The following MARCHF2 variants were observed in gnomAD, a reference collection of about 807,000 sequenced individuals.
MARCHF2 encodes E3 ubiquitin-protein ligase MARCHF2.
MARCHF2 carries 22 observed loss-of-function variants against 24.0 expected under a neutral mutation model. That is an observed-to-expected ratio of 0.92 (90% CI 0.66 to 1.31). The LOEUF is 1.31. Among genes scored for constraint, MARCHF2 ranks in the 50% most tolerant of loss-of-function variants. The pLI is 0.00. For synonymous variants in MARCHF2, 154 were observed against 153.0 expected (o/e 1.01, Z -0.05); for missense variants, 301 against 335.3 (o/e 0.90, Z 0.80).
chr19:8,428,958 T>C (rs1967498503), intron 3 of MARCHF2, among the ~76,000 whole-genome samples: 1 of 144,126 alleles, frequency 6.9e-6, no homozygotes, highest in African/African-American at 2.8e-5. Context: ...ACAAAAACCC[T>C]AGAAAAGCCC....
intron 2 of MARCHF2, among the ~76,000 whole-genome samples, chr19:8,424,419 G>A (rs972916188): frequency 6.6e-6 from 1 of 152,162 alleles, no homozygotes; most frequent in Admixed American, 6.6e-5. Flanking sequence ...TGTAATCCCA[G>A]CACTTTGGGA....
chr19:8,426,625 C>T lies in MARCHF2; in HGVS notation c.193C>T (p.Arg65Trp), dbSNP rs761919297. ...LDTPSDGPFC[R>W]ICHEGANGEC... ...TGTGTCCAGTGATGGTCCTTTCTGC[C>T]GGATCTGCCATGAGGGAGCGAACGG... The change falls in exon 3 of 5, where the codon CGG (arginine) becomes TGG (tryptophan). Residue 65 changes from arginine (R) to tryptophan (W), a missense_variant. Transcript: ENST00000215555. 9 of 1,613,820 alleles carry T rather than the reference C, an allele frequency of 5.6e-6. No individual in the cohort carries two copies. Among genetic ancestry groups the T allele is most frequent in the Non-Finnish European group, 7.6e-6 (9 of 1,179,892 alleles).
intron 2 of MARCHF2, among the ~76,000 whole-genome samples, chr19:8,426,043 C>T (rs934879089): frequency 1.3e-5 from 2 of 150,980 alleles, no homozygotes; most frequent in African/African-American, 2.4e-5. Flanking sequence ...CTGGCTAACA[C>T]GGTGAAACCC....
intron 1 of MARCHF2, among the ~76,000 whole-genome samples, chr19:8,415,208 G>A (rs1273695345): frequency 6.6e-6 from 1 of 151,884 alleles, no homozygotes; most frequent in Non-Finnish European, 1.5e-5. Flanking sequence ...ACCAGCCTGG[G>A]CAACTTGGCA....
Position 8,438,810 on chromosome 19 carries a change from T to G in MARCHF2, c.*264T>G. 2.8e-6 allele frequency: 1 copy of G among 352,890 alleles called. No individual in the cohort carries two copies. 21.9% of individuals were successfully genotyped at this position (352,890 alleles called of 1,614,324 possible). A position where few individuals can be genotyped will look rare whatever the true frequency, so the allele number is the denominator to read the frequency against. ...GGACGGAGCAGGCACCCTGATCTCA[T>G]TCTGAGGTCCACATGGCACCTTCTG... is the stretch of plus-strand genomic sequence containing the variant. On this transcript the variant is annotated 3_prime_UTR_variant, in exon 5 of 5. Coordinates refer to ENST00000215555, the MANE Select transcript of MARCHF2 (RefSeq NM_001005415.2).
intron 3 of MARCHF2, among the ~76,000 whole-genome samples, chr19:8,428,133 G>A (rs182939007): frequency 7.2e-5 from 11 of 152,272 alleles, no homozygotes; most frequent in Non-Finnish European, 1.0e-4. Flanking sequence ...GGTTGCAGGT[G>A]CCTATAGTCC....
At chr19:8,436,058 C>T (rs1967711618) in intron 4 of MARCHF2, among the ~76,000 whole-genome samples, 1 of 151,918 alleles carries the variant, frequency 6.6e-6, no homozygotes, top group Admixed American at 6.6e-5. Flanking sequence ...CCGGGTTTTG[C>T]CATGTTGCCC....
chr19:8,437,826 C>A (rs1410592712), intron 4 of MARCHF2, among the ~76,000 whole-genome samples: 1 of 151,658 alleles, frequency 6.6e-6, no homozygotes, highest in Non-Finnish European at 1.5e-5. Context: ...CTCACTGCGG[C>A]CCATATCTCC....
chr19:8,422,072 A>C, intron 2 of MARCHF2, 56 bp downstream of exon 2: 1 of 1,533,558 alleles, frequency 6.5e-7, no homozygotes, highest in East Asian at 2.4e-5. Context: ...CTCTGGGCGC[A>C]GTGAGTTTCT....
chr19:8,423,533 C>T (rs375890447), intron 2 of MARCHF2: 2 of 142,664 alleles, frequency 1.4e-5, no homozygotes, highest in Admixed American at 7.0e-5. Context: ...AGGGTGGGAT[C>T]GGGGTATGGG....
intron 3 of MARCHF2, among the ~76,000 whole-genome samples, chr19:8,429,454 C>CA (rs1169981863): frequency 1.3e-5 from 2 of 149,880 alleles, no homozygotes; most frequent in South Asian, 2.1e-4. Context: ...CCTGTCTCTA[C>CA]AAAAAAATCA....
At chr19:8,436,244 C>T (rs1967719144) in intron 4 of MARCHF2, among the ~76,000 whole-genome samples, 1 of 151,884 alleles carries the variant, frequency 6.6e-6, no homozygotes, top group Non-Finnish European at 1.5e-5. Context: ...AAGCGATTCT[C>T]CTGCCTCAGC....
intron 2 of MARCHF2, 110 bp from the exon 3 acceptor site, chr19:8,426,499 T>G: frequency 1.2e-6 from 1 of 805,110 alleles, no homozygotes; most frequent in Non-Finnish European, 2.0e-6. Context: ...TGAGTAGGAG[T>G]TCACTAAGTG....
In MARCHF2 at chr19:8,430,805, G is replaced by T. The variant is rs1367528844; in HGVS notation, c.520G>T (p.Glu174Ter). Reference protein sequence around the residue: ...QDHLRLHSQLEAVGLIALTIA... With the variant: ...QDHLRLHSQL ...CCACCTCCGGCTCCACAGCCAGCTG[G>T]AGGCCGTGGGTCTCATTGCCCTCAC... Residue 174 changes from glutamate (E) to a stop codon, truncating the protein, a stop_gained, in exon 4 of 5, where the codon GAG (glutamate) becomes TAG (stop). Transcript: ENST00000215555. LOFTEE classifies it high-confidence loss of function. The surrounding 1 kb of genome is among the most constrained non-coding windows in gnomAD (Gnocchi z 4.4). 1 of 1,610,948 alleles carries T rather than the reference G, an allele frequency of 6.2e-7. No homozygotes were observed. Among genetic ancestry groups the T allele is most frequent in the Admixed American group, 1.7e-5 (1 of 60,000 alleles).
At chr19:8,414,559 T>A (rs1967030016) in intron 1 of MARCHF2, among the ~76,000 whole-genome samples, 2 of 152,170 alleles carry the variant, frequency 1.3e-5, no homozygotes, top group African/African-American at 4.8e-5. Flanking sequence ...ATTACAGGCG[T>A]GAGCCACTGC....
At chr19:8,437,385 T>C (rs1967756637) in intron 4 of MARCHF2, among the ~76,000 whole-genome samples, 1 of 136,976 alleles carries the variant, frequency 7.3e-6, no homozygotes, top group Non-Finnish European at 1.5e-5. Flanking sequence ...GGAGTCTCGC[T>C]CTGTCGCCCA....
At chr19:8,437,389 T>A (rs1246695734) in intron 4 of MARCHF2, among the ~76,000 whole-genome samples, 1 of 141,828 alleles carries the variant, frequency 7.1e-6, no homozygotes, top group Non-Finnish European at 1.5e-5. Context: ...TCTCGCTCTG[T>A]CGCCCAGGCT....
intron 3 of MARCHF2, among the ~76,000 whole-genome samples, chr19:8,427,339 G>A (rs1359460479): frequency 2.0e-5 from 3 of 151,852 alleles, no homozygotes; most frequent in Non-Finnish European, 2.9e-5. Flanking sequence ...ATGAGCCACC[G>A]CTCCCAGCCT....
At chr19:8,415,984 C>G (rs1024809763) in intron 1 of MARCHF2, among the ~76,000 whole-genome samples, 3 of 151,986 alleles carry the variant, frequency 2.0e-5, no homozygotes, top group African/African-American at 7.2e-5. Context: ...GCTGGCCGAC[C>G]AGGATCGGAG....
Sources: allele counts gnomAD v4.1 joint callset (sites outside exome capture counted in the v4.1 genomes callset), GRCh38; gene constraint gnomAD v4.1.1; non-coding constraint Gnocchi (gnomAD v3.1); transcripts MANE v1.5; gene names NCBI Gene and HGNC (gene_info 2026-07-23, HGNC 2026-07-21).